The following GRID2 variants were observed in gnomAD, a reference collection of about 807,000 sequenced individuals.
The protein encoded by GRID2 is glutamate ionotropic receptor delta type subunit 2.
GRID2 carries 33 observed loss-of-function variants against 114.8 expected under a neutral mutation model. That is an observed-to-expected ratio of 0.29 (90% CI 0.22 to 0.38). The LOEUF is 0.38. Among genes scored for constraint, GRID2 ranks in the 10% least tolerant of loss-of-function variants. The pLI is 1.00. For synonymous variants in GRID2, 505 were observed against 449.9 expected (o/e 1.12, Z -1.55); for missense variants, 1,184 against 1,257.7 (o/e 0.94, Z 0.89).
intron 2 of GRID2, among the ~76,000 whole-genome samples, chr4:92,692,794 G>A (rs1340028763): frequency 6.6e-6 from 1 of 152,058 alleles, no homozygotes; most frequent in Admixed American, 6.5e-5. Context: ...AGGCAGAGGT[G>A]GGTGAATCAC....
intron 2 of GRID2, among the ~76,000 whole-genome samples, chr4:92,792,398 T>G (rs1739633063): frequency 6.6e-6 from 1 of 150,538 alleles, no homozygotes; most frequent in South Asian, 2.1e-4. Context: ...TAGTTCAGAA[T>G]GCTACTTTAC....
chr4:92,457,245 T>A (rs1034338772), intron 1 of GRID2, among the ~76,000 whole-genome samples: 2 of 152,132 alleles, frequency 1.3e-5, no homozygotes. Flanking sequence ...CTTACCCATA[T>A]GAAAAATCAC....
At chr4:92,845,216 G>A (rs535585821) in intron 2 of GRID2, among the ~76,000 whole-genome samples, 5 of 152,164 alleles carry the variant, frequency 3.3e-5, no homozygotes, top group African/African-American at 9.6e-5. Context: ...TTTTCTAAAT[G>A]CCATGTCTTG....
rs1199224090 is a variant in GRID2 at position 92,751,673 on chromosome 4, A to G, written c.244+161387A>G. On this transcript the variant is annotated intron_variant, in intron 2 of 15. Coordinates refer to ENST00000282020, the MANE Select transcript of GRID2 (RefSeq NM_001510.4). ...CTGACCTTCCTTTGCCTTCAATGTC[A>G]GACAGGATGGGTAGGCACTAACAGT... Among the ~76,000 whole-genome samples the G allele has an allele frequency of 3.3e-5, 5 of 152,212 alleles. 1 individual carries two copies. The highest frequency in any genetic ancestry group is 1.3e-4 in the Admixed American group (2 of 15,280).
intron 2 of GRID2, among the ~76,000 whole-genome samples, chr4:92,677,226 A>T (rs1285495733): frequency 6.6e-6 from 1 of 152,182 alleles, no homozygotes; most frequent in African/African-American, 2.4e-5. Context: ...AATGTACTTA[A>T]TTCCACAATG....
intron 2 of GRID2, among the ~76,000 whole-genome samples, chr4:92,999,439 C>T (rs1755406654): frequency 6.6e-6 from 1 of 151,734 alleles, no homozygotes; most frequent in Non-Finnish European, 1.5e-5. Flanking sequence ...GATAGTTGGT[C>T]ACCCTCTGAT....
At chr4:92,359,658 A>G (rs756113257) in intron 1 of GRID2, among the ~76,000 whole-genome samples, 5 of 151,970 alleles carry the variant, frequency 3.3e-5, no homozygotes, top group Non-Finnish European at 7.4e-5. Flanking sequence ...TGCTCCAGAA[A>G]CATCAGGCGC....
chr4:92,345,335 T>C (rs1248222904), intron 1 of GRID2, among the ~76,000 whole-genome samples: 1 of 152,242 alleles, frequency 6.6e-6, no homozygotes, highest in Non-Finnish European at 1.5e-5. Flanking sequence ...GTCTATACCA[T>C]GTTTTCTTTA....
chr4:92,513,906 C>G (rs1378203187), intron 1 of GRID2, among the ~76,000 whole-genome samples: 12 of 151,366 alleles, frequency 7.9e-5, no homozygotes. Flanking sequence ...TAGCATAGAA[C>G]TTGGTTACCA....
rs188559247 is a variant in GRID2 at position 92,891,203 on chromosome 4, C to T, written c.245-193792C>T. 8.0e-4 allele frequency among the ~76,000 whole-genome samples: 121 copies of T among 152,076 alleles called. 1 individual carries two copies. The highest frequency in any genetic ancestry group is 2.7e-3 in the African/African-American group (114 of 41,482). Reference sequence around the variant, plus strand: ...ATGGGTGCAGCAAACCATAATGGCACGTGTATACCTATGTAACAAACTTGC... The same window carrying T: ...ATGGGTGCAGCAAACCATAATGGCATGTGTATACCTATGTAACAAACTTGC... On this transcript the variant is annotated intron_variant, in intron 2 of 15. Coordinates refer to ENST00000282020, the MANE Select transcript of GRID2 (RefSeq NM_001510.4).
intron 2 of GRID2, among the ~76,000 whole-genome samples, chr4:92,874,312 C>T (rs1444282177): frequency 1.3e-5 from 2 of 152,076 alleles, no homozygotes; most frequent in African/African-American, 4.8e-5. Flanking sequence ...GAGTATTTTG[C>T]ATAAGACATT....
intron 1 of GRID2, among the ~76,000 whole-genome samples, chr4:92,316,011 A>AG (rs1264210356): frequency 2.0e-5 from 3 of 150,788 alleles, no homozygotes; most frequent in Admixed American, 2.0e-4. Flanking sequence ...AAAAAAAAAA[A>AG]AAAGAAAAGA....
At chr4:93,320,300 G>A (rs1352622013) in intron 8 of GRID2, among the ~76,000 whole-genome samples, 1 of 152,046 alleles carries the variant, frequency 6.6e-6, no homozygotes, top group Admixed American at 6.6e-5. Flanking sequence ...AGGCAAGATT[G>A]CATTAGAGAG....
intron 2 of GRID2, among the ~76,000 whole-genome samples, chr4:92,925,071 C>T (rs1021378319): frequency 6.6e-6 from 1 of 152,050 alleles, no homozygotes; most frequent in African/African-American, 2.4e-5. Flanking sequence ...AATAAAATAA[C>T]ACGTGGTGTC....
intron 11 of GRID2, among the ~76,000 whole-genome samples, chr4:93,490,156 T>C (rs1031861429): frequency 6.6e-6 from 1 of 151,946 alleles, no homozygotes; most frequent in Admixed American, 6.6e-5. Context: ...AAGTATGTGA[T>C]GCTGAAGCCA....
chr4:93,694,066 C>T (rs1335205707), intron 14 of GRID2, among the ~76,000 whole-genome samples: 10 of 152,058 alleles, frequency 6.6e-5, no homozygotes, highest in African/African-American at 9.7e-5. Flanking sequence ...TGTACCATGA[C>T]GGAAAAGAAT....
rs183456394 is a variant in GRID2 at position 92,610,346 on chromosome 4, G to A, written c.244+20060G>A. ...CTGGACTGCTATGAGTAAGAGAAAG[G>A]CATCTCTGTCTTATTTAATACCCAC... On this transcript the variant is annotated intron_variant, in intron 2 of 15. Transcript: ENST00000282020. Among the ~76,000 whole-genome samples, 188 of 151,672 alleles carry A rather than the reference G, an allele frequency of 1.2e-3. 2 individuals are homozygous for A. Among genetic ancestry groups the A allele is most frequent in the Admixed American group, 0.011 (171 of 15,164 alleles).
At chr4:93,543,710 T>TAGAGAGAGAGAGAGAGAGAGAGAGAGAG (rs34742442) in intron 13 of GRID2, among the ~76,000 whole-genome samples, 11 of 133,590 alleles carry the variant, frequency 8.2e-5, no homozygotes, top group African/African-American at 3.2e-4. Flanking sequence ...GAGTGAGAGA[T>TAGAGAGAGAGAGAGAGAGAGAGAGAGAG]AGAGAGAGAG....
At chr4:93,701,031 T>C (rs1727463434) in intron 14 of GRID2, among the ~76,000 whole-genome samples, 1 of 152,134 alleles carries the variant, frequency 6.6e-6, no homozygotes, top group South Asian at 2.1e-4. Flanking sequence ...ATAAGCAAGC[T>C]TCACAAAGAG....
Sources: allele counts gnomAD v4.1 joint callset (sites outside exome capture counted in the v4.1 genomes callset), GRCh38; gene constraint gnomAD v4.1.1; transcripts MANE v1.5; gene names NCBI Gene and HGNC (gene_info 2026-07-23, HGNC 2026-07-21).